CSMD1: variants seen among roughly 807,000 people sequenced by gnomAD.
CSMD1 encodes CUB and sushi domain-containing protein 1.
Under a neutral mutation model 417.5 loss-of-function variants are expected in CSMD1, and 213 were observed. The ratio of observed to expected loss-of-function variants is 0.51; its 90% confidence interval spans 0.46 to 0.57. The LOEUF (loss-of-function observed/expected upper bound fraction) is 0.57, where lower values mean the gene tolerates loss of function less well. CSMD1 is among the 20% of genes least tolerant of loss of function. The pLI is 0.00. For synonymous variants in CSMD1, 2,862 were observed against 1,736.8 expected, an observed-to-expected ratio of 1.65 and a Z score of -16.11; for missense variants, 6,923 against 4,529.7, an observed-to-expected ratio of 1.53 and a Z score of -15.17.
At chr8:4,850,110 T>C (rs1241597263) in intron 1 of CSMD1, among the ~76,000 whole-genome samples, 1 of 152,210 alleles carries the variant, frequency 6.6e-6, no homozygotes. Flanking sequence ...GGTTTTGGAT[T>C]GCATTCCCCT....
At position 4,883,110 on chromosome 8, in the gene CSMD1, G is replaced by C. The variant is rs113988631; in HGVS notation, c.85+111222C>G. Among the ~76,000 whole-genome samples, 7 of 152,228 alleles carry C rather than the reference G, an allele frequency of 4.6e-5. 1 individual carries two copies. The highest frequency in any genetic ancestry group is 1.7e-4 in the African/African-American group (7 of 41,496). On this transcript the variant is annotated intron_variant, in intron 1 of 69. Transcript: ENST00000635120. ...CTGGAGTCCTCTACAAGATTTTATA[G>C]TAAGGTGGAAAGGAAATTTAAGAAT...
intron 3 of CSMD1, among the ~76,000 whole-genome samples, chr8:4,212,655 C>T (rs542751786): frequency 6.8e-6 from 1 of 147,658 alleles, no homozygotes; most frequent in Non-Finnish European, 1.5e-5. Flanking sequence ...CAGTAAAGTA[C>T]AATTTTTAAA....
chr8:4,454,598 G>A (rs1040370207), intron 2 of CSMD1, among the ~76,000 whole-genome samples: 2 of 152,178 alleles, frequency 1.3e-5, no homozygotes, highest in African/African-American at 2.4e-5. Context: ...GGGCTGGCTG[G>A]GGAAGGAGGG....
chr8:3,670,115 G>C (rs112060965), intron 7 of CSMD1, among the ~76,000 whole-genome samples: 8 of 152,178 alleles, frequency 5.3e-5, no homozygotes, highest in African/African-American at 1.7e-4. Context: ...TGTTGATCCT[G>C]GGTGTGTCTC....
intron 17 of CSMD1, among the ~76,000 whole-genome samples, chr8:3,388,952 G>C (rs533519788): frequency 7.3e-5 from 11 of 150,768 alleles, no homozygotes; most frequent in Admixed American, 5.9e-4. Flanking sequence ...TTCACTTTCA[G>C]AGGCATTGTT....
intron 7 of CSMD1, among the ~76,000 whole-genome samples, chr8:3,694,628 G>A (rs553305656): frequency 6.6e-6 from 1 of 152,026 alleles, no homozygotes; most frequent in African/African-American, 2.4e-5. Flanking sequence ...CCCTGGGCAT[G>A]AGAGGGAGGC....
chr8:3,865,521 T>G (rs1056536641), intron 5 of CSMD1, among the ~76,000 whole-genome samples: 1 of 150,356 alleles, frequency 6.7e-6, no homozygotes, highest in African/African-American at 2.5e-5. Context: ...GGGGAAAGAG[T>G]TGGGGGTGGA....
At chr8:4,944,945 T>A (rs62488203) in intron 1 of CSMD1, among the ~76,000 whole-genome samples, 1 of 152,098 alleles carries the variant, frequency 6.6e-6, no homozygotes, top group Non-Finnish European at 1.5e-5. Context: ...ACAGAGATAT[T>A]TGCATGTCCA....
intron 4 of CSMD1, among the ~76,000 whole-genome samples, chr8:4,019,716 G>T (rs558930515): frequency 5.6e-4 from 85 of 152,194 alleles, no homozygotes; most frequent in Non-Finnish European, 1.0e-3. Context: ...TTACATGCAC[G>T]TGGGTATGAA....
chr8:4,190,725 A>G (rs1005178913), intron 3 of CSMD1, among the ~76,000 whole-genome samples: 2 of 152,198 alleles, frequency 1.3e-5, no homozygotes, highest in African/African-American at 4.8e-5. Flanking sequence ...AAATCATCTG[A>G]AATCACATGA....
chr8:4,857,693 A>G (rs1379224770), intron 1 of CSMD1, among the ~76,000 whole-genome samples: 1 of 151,902 alleles, frequency 6.6e-6, no homozygotes, highest in Non-Finnish European at 1.5e-5. Context: ...GGACACATAC[A>G]CTCTCCCAAG....
intron 2 of CSMD1, among the ~76,000 whole-genome samples, chr8:4,600,516 T>G (rs1800524736): frequency 6.6e-6 from 1 of 152,230 alleles, no homozygotes; most frequent in African/African-American, 2.4e-5. Context: ...ACATCTGTTT[T>G]TGTATGAAAA....
chr8:4,456,772 C>A (rs1247998924), intron 2 of CSMD1, among the ~76,000 whole-genome samples: 2 of 152,058 alleles, frequency 1.3e-5, no homozygotes, highest in African/African-American at 4.8e-5. Context: ...GAAGACCCAT[C>A]TGACAACCTA....
intron 2 of CSMD1, among the ~76,000 whole-genome samples, chr8:4,446,816 T>A (rs1428253861): frequency 6.6e-6 from 1 of 151,242 alleles, no homozygotes; most frequent in African/African-American, 2.4e-5. Context: ...AGAGCCAAGT[T>A]TTCTCCATCT....
intron 5 of CSMD1, among the ~76,000 whole-genome samples, chr8:3,975,156 C>G (rs757996997): frequency 6.6e-6 from 1 of 152,108 alleles, no homozygotes; most frequent in Non-Finnish European, 1.5e-5. Flanking sequence ...AGAGGCATGC[C>G]TCATCTTACA....
intron 5 of CSMD1, among the ~76,000 whole-genome samples, chr8:3,936,898 C>A (rs988833728): frequency 1.3e-5 from 2 of 152,154 alleles, no homozygotes; most frequent in Non-Finnish European, 2.9e-5. Context: ...AAGAATTCCC[C>A]ATTCCAATGA....
At chr8:4,789,487 T>A (rs918455731) in intron 1 of CSMD1, among the ~76,000 whole-genome samples, 14 of 152,184 alleles carry the variant, frequency 9.2e-5, no homozygotes, top group Non-Finnish European at 1.3e-4. Flanking sequence ...TGGTTTACAT[T>A]GGATAAATGC....
intron 26 of CSMD1, among the ~76,000 whole-genome samples, chr8:3,271,293 G>A (rs1801834616): frequency 1.3e-5 from 2 of 152,030 alleles, no homozygotes; most frequent in East Asian, 1.9e-4. Context: ...ATTCCATGGT[G>A]TATATGTGCC....
At chr8:4,594,795 C>T (rs1291434751) in intron 2 of CSMD1, among the ~76,000 whole-genome samples, 1 of 152,156 alleles carries the variant, frequency 6.6e-6, no homozygotes, top group Non-Finnish European at 1.5e-5. Flanking sequence ...GACATATCAT[C>T]ATATTTCTGA....
Sources: gnomAD v4.1 joint callset for allele counts (sites outside exome capture counted in the v4.1 genomes callset) on GRCh38, gnomAD v4.1.1 for gene constraint, MANE v1.5 for transcripts, NCBI Gene and HGNC (gene_info 2026-07-23, HGNC 2026-07-21) for gene names.